The following NELL2 variants were observed in gnomAD, a reference collection of about 807,000 sequenced individuals.
NELL2 encodes the protein protein kinase C-binding protein NELL2.
A neutral mutation model predicts 109.6 loss-of-function variants in NELL2; 41 were observed. The ratio of observed to expected loss-of-function variants is 0.37; its 90% confidence interval spans 0.29 to 0.49. The LOEUF is 0.49. Ranked by LOEUF, NELL2 falls within the 20% of genes least tolerant of loss-of-function variation. NELL2 has a pLI of 0.98. For missense variants in NELL2, 900 were observed against 1,008.3 expected (o/e 0.89, Z 1.45); for synonymous variants, 355 against 344.7 (o/e 1.03, Z -0.33).
In NELL2 at chr12:44,875,990, G is replaced by A; in HGVS notation, c.-121C>T. ...CTCCTGCTGCTGCCTCGGATTTACT[G>A]ATCAGTAGGATTAATACGCTTTGGT... is the stretch of plus-strand genomic sequence containing the variant. On this transcript the variant is annotated 5_prime_UTR_variant, in exon 1 of 20. Transcript: ENST00000429094. 1.9e-6 allele frequency: 3 copies of A among 1,555,466 alleles called. No individual in the cohort carries two copies. In the South Asian group the frequency reaches 3.5e-5, roughly 18 times the overall value.
chr12:44,672,343 C>A (rs923043458), intron 12 of NELL2, among the ~76,000 whole-genome samples: 14 of 152,180 alleles, frequency 9.2e-5, no homozygotes, highest in African/African-American at 3.4e-4. Context: ...AGGAGTGCAA[C>A]CCCTATTGTG....
intron 3 of NELL2, among the ~76,000 whole-genome samples, chr12:44,800,374 C>T (rs575569525): frequency 1.3e-5 from 2 of 150,908 alleles, no homozygotes; most frequent in East Asian, 1.9e-4. Flanking sequence ...TGAATTGAGA[C>T]GAGAGAGAGA....
rs1948677343 is a variant in NELL2 at position 44,685,330 on chromosome 12, C to G, written c.1318+18396G>C. On this transcript the variant is annotated intron_variant, in intron 12 of 19. Transcript: ENST00000429094. ...TGTCTCTGCACGTGAGATGGGTTTC[C>G]TGAATACAGCACACTGATGGGTCTT... Among the ~76,000 whole-genome samples, 3 of 151,928 alleles carry G rather than the reference C, an allele frequency of 2.0e-5. No homozygotes were observed. In the South Asian group the frequency reaches 6.2e-4, roughly 32 times the overall value.
At chr12:44,583,087 C>T (rs962158114) in intron 15 of NELL2, among the ~76,000 whole-genome samples, 1 of 152,132 alleles carries the variant, frequency 6.6e-6, no homozygotes, top group African/African-American at 2.4e-5. Context: ...ACTAAAATTA[C>T]CCAGTATGTG....
At chr12:44,758,913 A>C (rs556176171) in intron 9 of NELL2, among the ~76,000 whole-genome samples, 1 of 152,182 alleles carries the variant, frequency 6.6e-6, no homozygotes, top group Non-Finnish European at 1.5e-5. Flanking sequence ...CTGCCCCAAA[A>C]GTAAAACTTC....
chr12:44,539,515 G>A (rs1219318697), intron 15 of NELL2, among the ~76,000 whole-genome samples: 1 of 151,808 alleles, frequency 6.6e-6, no homozygotes, highest in African/African-American at 2.4e-5. Context: ...TGTATGTATT[G>A]TGCATATTTT....
At chr12:44,685,633 A>T (rs1433555231) in intron 12 of NELL2, among the ~76,000 whole-genome samples, 1 of 152,028 alleles carries the variant, frequency 6.6e-6, no homozygotes. Flanking sequence ...TCTCTCAGCA[A>T]CTGCTTGTCT....
At chr12:44,916,517 G>C (rs1945829980), upstream of NELL2, among the ~76,000 whole-genome samples, 1 of 152,056 alleles carries the variant, frequency 6.6e-6, no homozygotes, top group South Asian at 2.1e-4. Context: ...ATATTAAATA[G>C]GGCACCACTG....
At chr12:44,705,204 C>CAAT (rs1436432675) in intron 11 of NELL2, among the ~76,000 whole-genome samples, 20 of 151,860 alleles carry the variant, frequency 1.3e-4, no homozygotes, top group Admixed American at 1.3e-3. Flanking sequence ...AACATACTCC[C>CAAT]TATTAATGCA....
chr12:44,631,505 C>A (rs201344434), intron 13 of NELL2, among the ~76,000 whole-genome samples: 1 of 151,824 alleles, frequency 6.6e-6, no homozygotes, highest in African/African-American at 2.4e-5. Context: ...GACATAAAGA[C>A]GGCAACAGCG....
chr12:44,674,039 T>A (rs1240239592), intron 12 of NELL2, among the ~76,000 whole-genome samples: 1 of 151,982 alleles, frequency 6.6e-6, no homozygotes, highest in Non-Finnish European at 1.5e-5. Flanking sequence ...CTGGAGAAAA[T>A]AACATATACA....
intron 9 of NELL2, among the ~76,000 whole-genome samples, chr12:44,745,862 G>C (rs1940313863): frequency 6.6e-6 from 1 of 151,874 alleles, no homozygotes; most frequent in Non-Finnish European, 1.5e-5. Flanking sequence ...CATGAAAATG[G>C]CCACACTGCC....
At chr12:44,732,850 G>A (rs1000894146) in intron 9 of NELL2, among the ~76,000 whole-genome samples, 3 of 151,768 alleles carry the variant, frequency 2.0e-5, no homozygotes, top group Non-Finnish European at 4.4e-5. Context: ...CAGCTCAATG[G>A]CAGAAAAACA....
At chr12:44,710,813 C>G (rs1408643893) in intron 11 of NELL2, among the ~76,000 whole-genome samples, 1 of 151,894 alleles carries the variant, frequency 6.6e-6, no homozygotes, top group East Asian at 1.9e-4. Context: ...GTCCAGAAAC[C>G]TATGGGTGAG....
chr12:44,822,681 A>C (rs1421607395), intron 2 of NELL2, among the ~76,000 whole-genome samples: 1 of 152,202 alleles, frequency 6.6e-6, no homozygotes, highest in Non-Finnish European at 1.5e-5. Flanking sequence ...GTTTAAATGT[A>C]AAATGTATTT....
At chr12:44,584,437 T>C (rs1490071735) in intron 15 of NELL2, among the ~76,000 whole-genome samples, 1 of 152,222 alleles carries the variant, frequency 6.6e-6, no homozygotes, top group Non-Finnish European at 1.5e-5. Context: ...ACACTCTTTG[T>C]GCCAACAAAT....
At chr12:44,865,373 T>C (rs1361749270) in intron 2 of NELL2, among the ~76,000 whole-genome samples, 2 of 142,504 alleles carry the variant, frequency 1.4e-5, no homozygotes, top group Non-Finnish European at 1.5e-5. Flanking sequence ...CGTATGTTTA[T>C]TGTGGCATTA....
At chr12:44,920,511 A>T (rs1945861145) in intron 1 of NELL2, among the ~76,000 whole-genome samples, 1 of 152,190 alleles carries the variant, frequency 6.6e-6, no homozygotes, top group Non-Finnish European at 1.5e-5. Context: ...TCTCATCTAA[A>T]ATTAATAGAT....
At chr12:44,712,417 A>G (rs996122788) in intron 10 of NELL2, among the ~76,000 whole-genome samples, 2 of 152,002 alleles carry the variant, frequency 1.3e-5, no homozygotes, top group Non-Finnish European at 2.9e-5. Context: ...TTTAGTAGTA[A>G]TATCAGTTCT....
Sources: allele counts gnomAD v4.1 joint callset (sites outside exome capture counted in the v4.1 genomes callset), GRCh38; gene constraint gnomAD v4.1.1; transcripts MANE v1.5; gene names NCBI Gene and HGNC (gene_info 2026-07-23, HGNC 2026-07-21).